Variants in DNAH14 observed in about 807,000 individuals in gnomAD.
DNAH14 encodes the protein axonemal beta dynein heavy chain 14.
Under a neutral mutation model 520.9 loss-of-function variants are expected in DNAH14, and 478 were observed. That is an observed-to-expected ratio of 0.92 (90% CI 0.85 to 0.99). The LOEUF is 0.99. DNAH14 is among the 50% of genes least tolerant of loss of function. The pLI is 0.00. For missense variants in DNAH14, 4,831 were observed against 5,234.5 expected (o/e 0.92, Z 2.38); for synonymous variants, 1,581 against 1,757.2 (o/e 0.90, Z 2.51).
chr1:225,001,320 T>A (rs2063756909), intron 8 of DNAH14, among the ~76,000 whole-genome samples: 1 of 152,158 alleles, frequency 6.6e-6, no homozygotes, highest in Non-Finnish European at 1.5e-5. Context: ...AGTAAAACAG[T>A]GAAAAGTATG....
At chr1:225,198,272 C>T (rs2086405163) in intron 38 of DNAH14, among the ~76,000 whole-genome samples, 1 of 150,892 alleles carries the variant, frequency 6.6e-6, no homozygotes, top group Non-Finnish European at 1.5e-5. Flanking sequence ...GGCTGGAGTG[C>T]AGTGGTGCGA....
At chr1:225,126,774 T>TAACACA (rs1209214918) in intron 27 of DNAH14, among the ~76,000 whole-genome samples, 4 of 152,122 alleles carry the variant, frequency 2.6e-5, no homozygotes, top group Non-Finnish European at 5.9e-5. Context: ...TGCTCTTGCT[T>TAACACA]TTCTAGTTCT....
intron 47 of DNAH14, among the ~76,000 whole-genome samples, chr1:225,264,807 T>C (rs1230311074): frequency 2.0e-5 from 3 of 152,118 alleles, no homozygotes; most frequent in South Asian, 2.1e-4. Flanking sequence ...GAGGTTTTGG[T>C]TTTGTTTTCA....
intron 66 of DNAH14, among the ~76,000 whole-genome samples, chr1:225,334,618 A>T: frequency 6.6e-6 from 1 of 151,568 alleles, no homozygotes; most frequent in South Asian, 2.1e-4. Context: ...CCTCTCAGAA[A>T]AGTTTATTTT....
At chr1:225,128,282 T>C (rs1234737652) in intron 27 of DNAH14, among the ~76,000 whole-genome samples, 2 of 152,030 alleles carry the variant, frequency 1.3e-5, no homozygotes, top group African/African-American at 4.8e-5. Context: ...TTCCAATCAA[T>C]ACAAAAAGAA....
chr1:225,085,660 A>T lies in DNAH14; in HGVS notation c.3444A>T (p.Leu1148Phe), dbSNP rs1320619483. The change falls in exon 21 of 86, where the codon TTA (leucine) becomes TTT (phenylalanine). Residue 1148 changes from leucine (L) to phenylalanine (F), a missense_variant. Transcript: ENST00000682510. The part of the protein sequence containing the change: ...IDFWNTTPLP[L>F]ILHHTEIYSI... ...TTTGGAACACTACTCCTTTGCCTTT[A>T]ATTCTTCACCACACAGAGATTTACT... is the stretch of plus-strand genomic sequence containing the variant. The T allele has an allele frequency of 6.4e-7, 1 of 1,551,334 alleles. No individual in the cohort carries two copies.
In DNAH14 at chr1:225,043,927, GA is replaced by G. The variant is rs1259645970; in HGVS notation, c.1857del (p.Arg619SerfsTer6). 6.6e-6 allele frequency: 10 copies of G among 1,526,556 alleles called. No homozygotes were observed. Among genetic ancestry groups the G allele is most frequent in the Non-Finnish European group, 8.9e-6 (10 of 1,129,936 alleles). The allele number at this position is 1,526,556 out of a possible 1,614,324, so 94.6% of individuals were successfully genotyped here. A position where few individuals can be genotyped will look rare whatever the true frequency, so the allele number is the denominator to read the frequency against. On this transcript the variant is annotated frameshift_variant, in exon 15 of 86. Transcript: ENST00000682510. LOFTEE classifies it high-confidence loss of function. ...ACAAATCTCTTTATAGATCCCAACA[GA>G]TTGGAGTTTTCAGTAAAAATTCAAA... ...FPTNLFIDPN[R>X]LEFSVKIQNM...
At chr1:225,392,907 G>A (rs1327599424) in intron 84 of DNAH14, among the ~76,000 whole-genome samples, 1 of 152,174 alleles carries the variant, frequency 6.6e-6, no homozygotes, top group East Asian at 1.9e-4. Flanking sequence ...GGGACCCATG[G>A]AGGCAGCTTG....
chr1:225,144,728 TC>T, intron 29 of DNAH14, 100 bp downstream of exon 29: 4 of 914,974 alleles, frequency 4.4e-6, no homozygotes, highest in Non-Finnish European at 6.5e-6. Flanking sequence ...ATTAAGATGT[TC>T]ATTGCATTAA....
chr1:225,007,228 T>G (rs2064246699), intron 9 of DNAH14, among the ~76,000 whole-genome samples, 185 bp from the exon 10 acceptor site: 1 of 152,234 alleles, frequency 6.6e-6, no homozygotes, highest in Non-Finnish European at 1.5e-5. Flanking sequence ...TTTCTGTATT[T>G]TAATCAAGAT....
At chr1:225,053,626 A>G (rs1572721164) in intron 17 of DNAH14, among the ~76,000 whole-genome samples, 1 of 152,140 alleles carries the variant, frequency 6.6e-6, no homozygotes, top group Non-Finnish European at 1.5e-5. Context: ...TGAGCAATAT[A>G]TAGATATGAG....
At chr1:225,350,713 G>C (rs150364414) in intron 71 of DNAH14, among the ~76,000 whole-genome samples, 184 of 150,954 alleles carry the variant, frequency 1.2e-3, no homozygotes, top group Non-Finnish European at 1.9e-3. Flanking sequence ...TAGAAAATCT[G>C]AACACACCAA....
rs552594157 is a variant in DNAH14, at chr1:225,105,624, C to T, written c.3867+4740C>T. Among the ~76,000 whole-genome samples, 47 of 152,260 alleles carry T rather than the reference C, an allele frequency of 3.1e-4. 1 individual carries two copies. Among genetic ancestry groups the T allele is most frequent in the African/African-American group, 9.9e-4 (41 of 41,548 alleles). ...GTTAGCTCTTCTTGTTGAATTGATC[C>T]TTTTACCATTTTGTAATGGCCTTCT... On this transcript the variant is annotated intron_variant, in intron 23 of 85. Coordinates refer to ENST00000682510, the MANE Select transcript of DNAH14 (RefSeq NM_001367479.1).
intron 17 of DNAH14, among the ~76,000 whole-genome samples, chr1:225,077,522 T>C (rs1251829400): frequency 6.6e-6 from 1 of 152,180 alleles, no homozygotes; most frequent in Non-Finnish European, 1.5e-5. Context: ...AATTAGTATT[T>C]GTATTGGAGT....
At chr1:225,017,043 AC>A (rs2147965884) in intron 10 of DNAH14, among the ~76,000 whole-genome samples, 1 of 152,084 alleles carries the variant, frequency 6.6e-6, no homozygotes, top group African/African-American at 2.4e-5. Flanking sequence ...GGCATCTTAT[AC>A]ATTTCTTTAT....
chr1:225,004,129 A>T (rs2063981926), intron 9 of DNAH14, among the ~76,000 whole-genome samples: 1 of 152,284 alleles, frequency 6.6e-6, no homozygotes, highest in East Asian at 1.9e-4. Flanking sequence ...ATTATCTATT[A>T]TATGCGAAAT....
chr1:225,233,240 C>T (rs1195498420), intron 42 of DNAH14, among the ~76,000 whole-genome samples: 1 of 152,144 alleles, frequency 6.6e-6, no homozygotes, highest in Non-Finnish European at 1.5e-5. Context: ...CATATCTTTG[C>T]TATTGTGAAT....
At chr1:225,129,286 A>G (rs2078115213) in intron 27 of DNAH14, among the ~76,000 whole-genome samples, 1 of 152,100 alleles carries the variant, frequency 6.6e-6, no homozygotes, top group Non-Finnish European at 1.5e-5. Context: ...CAAGCTACCA[A>G]TGACTTTCTT....
At chr1:225,296,076 C>T (rs1309906218) in intron 55 of DNAH14, among the ~76,000 whole-genome samples, 2 of 152,014 alleles carry the variant, frequency 1.3e-5, no homozygotes, top group East Asian at 3.9e-4. Flanking sequence ...TGTTTGGTTT[C>T]TGTTTGCATG....
Sources: gnomAD v4.1 joint callset for allele counts (sites outside exome capture counted in the v4.1 genomes callset) on GRCh38, gnomAD v4.1.1 for gene constraint, MANE v1.5 for transcripts, NCBI Gene and HGNC (gene_info 2026-07-23, HGNC 2026-07-21) for gene names.